CDH9: variants seen among roughly 807,000 people sequenced by gnomAD.
The protein encoded by CDH9 is cadherin-9.
Under a neutral mutation model 70.9 loss-of-function variants are expected in CDH9, and 28 were observed. That is an observed-to-expected ratio of 0.40 (90% CI 0.29 to 0.54). The LOEUF (loss-of-function observed/expected upper bound fraction) is 0.54, where lower values mean the gene tolerates loss of function less well. Among genes scored for constraint, CDH9 ranks in the 20% least tolerant of loss-of-function variants. The pLI is 0.59. For synonymous variants in CDH9, 409 were observed against 343.1 expected, an observed-to-expected ratio of 1.19 and a Z score of -2.12; for missense variants, 874 against 984.4, an observed-to-expected ratio of 0.89 and a Z score of 1.50.
intron 2 of CDH9, among the ~76,000 whole-genome samples, chr5:26,974,110 A>G (rs1835049): frequency 0.47 from 71,549 of 151,822 alleles, 17,694 homozygotes; most frequent in Non-Finnish European, 0.53. Flanking sequence ...CGGGCATGAT[A>G]GTGGGTGCCT....
chr5:26,889,774 A>T, intron 9 of CDH9, 62 bp downstream of exon 9: 1 of 973,420 alleles, frequency 1.0e-6, no homozygotes, highest in Non-Finnish European at 1.6e-6. Flanking sequence ...AAAGTGATGT[A>T]ATGTCATTTG....
At chr5:27,018,455 T>C (rs1743082824) in intron 1 of CDH9, among the ~76,000 whole-genome samples, 1 of 151,808 alleles carries the variant, frequency 6.6e-6, no homozygotes, top group African/African-American at 2.4e-5. Context: ...CAGCATTCAT[T>C]TCTAAGATTC....
At chr5:26,913,565 G>T (rs1741091400) in intron 3 of CDH9, among the ~76,000 whole-genome samples, 1 of 152,044 alleles carries the variant, frequency 6.6e-6, no homozygotes, top group Non-Finnish European at 1.5e-5. Context: ...CCTTGTATCT[G>T]CAACCTACAC....
intron 9 of CDH9, among the ~76,000 whole-genome samples, chr5:26,888,899 G>T (rs1740608138): frequency 6.6e-6 from 1 of 152,086 alleles, no homozygotes. Flanking sequence ...TCTTTTCTTT[G>T]TATGCTAATT....
chr5:26,903,889 C>T (rs1281279797), intron 5 of CDH9, 65 bp from the exon 6 acceptor site: 1 of 842,884 alleles, frequency 1.2e-6, no homozygotes, highest in Non-Finnish European at 1.9e-6. Context: ...ATTTCCTCTG[C>T]ATTTTTAACT....
chr5:26,952,631 T>G (rs1741869757), intron 2 of CDH9, among the ~76,000 whole-genome samples: 1 of 29,350 alleles, frequency 3.4e-5, no homozygotes. Context: ...AAAGACTCCG[T>G]CTCAAAAAAA....
At chr5:26,889,733 C>A in intron 9 of CDH9, 103 bp downstream of exon 9, 1 of 647,790 alleles carries the variant, frequency 1.5e-6, no homozygotes, top group Non-Finnish European at 2.6e-6. Flanking sequence ...GAAGTATTGA[C>A]AACAGCCTGC....
At position 26,883,041 on chromosome 5, in the gene CDH9, TTATATATATATATATATATATATATA is replaced by T. The variant is rs59145200; in HGVS notation, c.1883-1444_1883-1419del. ...AAGCTGAGCTATATTCAGGATCATC[TTATATATATATATATATATATATATA>T]TATATATATATATATATATATATAT... On this transcript the variant is annotated intron_variant, in intron 11 of 11. Coordinates refer to ENST00000231021, the MANE Select transcript of CDH9 (RefSeq NM_016279.4). Among the ~76,000 whole-genome samples, 109 of 58,022 alleles carry T rather than the reference TTATATATATATATATATATATATATA, an allele frequency of 1.9e-3. 7 individuals carry two copies. Among genetic ancestry groups the T allele is most frequent in the Admixed American group, 4.3e-3 (20 of 4,604 alleles). The allele number at this position is 58,022 out of a possible 152,430, so 38.1% of individuals were successfully genotyped here. A position where few individuals can be genotyped will look rare whatever the true frequency, so the allele number is the denominator to read the frequency against.
intron 1 of CDH9, among the ~76,000 whole-genome samples, chr5:27,006,682 T>C (rs182228666): frequency 6.6e-6 from 1 of 152,124 alleles, no homozygotes; most frequent in Non-Finnish European, 1.5e-5. Flanking sequence ...TCCTTCCCAA[T>C]GATTGCATTT....
intron 3 of CDH9, among the ~76,000 whole-genome samples, chr5:26,908,282 A>C (rs546098294): frequency 1.3e-5 from 2 of 152,290 alleles, no homozygotes; most frequent in Admixed American, 1.3e-4. Context: ...AAAAATGATA[A>C]AGTGATTTAC....
chr5:26,955,434 G>A (rs1480099294), intron 2 of CDH9, among the ~76,000 whole-genome samples: 1 of 152,142 alleles, frequency 6.6e-6, no homozygotes, highest in Non-Finnish European at 1.5e-5. Context: ...AGGGCTCAAG[G>A]GGAGAATTCA....
At chr5:26,940,773 G>C (rs1184509952) in intron 2 of CDH9, among the ~76,000 whole-genome samples, 1 of 152,148 alleles carries the variant, frequency 6.6e-6, no homozygotes, top group Admixed American at 6.5e-5. Context: ...TTTGAAAAAC[G>C]AGGTACTATT....
chr5:26,881,230 T>C lies in CDH9; in HGVS notation c.2276A>G (p.Asp759Gly). The C allele has an allele frequency of 4.3e-6, 7 of 1,613,456 alleles. 1 individual carries two copies. Among genetic ancestry groups the C allele is most frequent in the Non-Finnish European group, 5.9e-6 (7 of 1,179,488 alleles). ...SLSSLESLTA[D>G]CNQDYDYLSD... is the part of the protein sequence containing the mutation. The stretch of plus-strand genomic sequence containing the variant: ...GAGGTAATCATAATCTTGGTTACAA[T>C]CAGCTGTGAGAGATTCCAAAGAACT... The change falls in exon 12 of 12, where the codon GAT becomes GGT. Residue 759 changes from aspartate to glycine, a missense_variant. Asp to Gly is a moderately conservative substitution (Grantham distance 94, BLOSUM62 -1). Transcript: ENST00000231021.
chr5:26,887,860 T>TCAAGGATGG (rs1316346508), intron 9 of CDH9, among the ~76,000 whole-genome samples: 1 of 152,094 alleles, frequency 6.6e-6, no homozygotes, highest in Non-Finnish European at 1.5e-5. Flanking sequence ...CCAAAGGATG[T>TCAAGGATGG]CAAGGATGGC....
chr5:26,942,567 T>G (rs1741682354), intron 2 of CDH9, among the ~76,000 whole-genome samples: 1 of 152,188 alleles, frequency 6.6e-6, no homozygotes, highest in African/African-American at 2.4e-5. Flanking sequence ...CTGTGATAAT[T>G]CTGTGCTTAT....
chr5:27,017,624 A>C (rs1265227547), intron 1 of CDH9, among the ~76,000 whole-genome samples: 1 of 151,968 alleles, frequency 6.6e-6, no homozygotes, highest in Admixed American at 6.6e-5. Context: ...TTTATTCAAC[A>C]TTTTAACTCT....
chr5:26,953,844 C>A (rs999745292), intron 2 of CDH9, among the ~76,000 whole-genome samples: 3 of 152,076 alleles, frequency 2.0e-5, no homozygotes, highest in African/African-American at 7.2e-5. Context: ...AATCCATGTT[C>A]CACAAAACAA....
At chr5:26,968,779 C>G (rs986095117) in intron 2 of CDH9, among the ~76,000 whole-genome samples, 2 of 151,974 alleles carry the variant, frequency 1.3e-5, no homozygotes, top group African/African-American at 4.8e-5. Context: ...CATATTTAAA[C>G]TGTTTTCATG....
At chr5:26,998,196 C>T (rs1444360314) in intron 1 of CDH9, among the ~76,000 whole-genome samples, 1 of 152,098 alleles carries the variant, frequency 6.6e-6, no homozygotes, top group Non-Finnish European at 1.5e-5. Context: ...CTATACACAA[C>T]AGATTGGGGT....
Sources: allele counts gnomAD v4.1 joint callset (sites outside exome capture counted in the v4.1 genomes callset), GRCh38; gene constraint gnomAD v4.1.1; transcripts MANE v1.5; gene names NCBI Gene and HGNC (gene_info 2026-07-23, HGNC 2026-07-21).